Variants in SLC2A12 observed in about 807,000 individuals in gnomAD.
SLC2A12 encodes the protein solute carrier family 2 member 12.
SLC2A12 carries 23 observed loss-of-function variants against 41.8 expected under a neutral mutation model. That is an observed-to-expected ratio of 0.55 (90% CI 0.40 to 0.78). The LOEUF (loss-of-function observed/expected upper bound fraction) is 0.78, where lower values mean the gene tolerates loss of function less well. SLC2A12 is among the 30% of genes least tolerant of loss of function. The pLI, the probability that SLC2A12 is intolerant of heterozygous loss-of-function variation, is 0.00. For missense variants in SLC2A12, 654 were observed against 745.6 expected, an observed-to-expected ratio of 0.88 and a Z score of 1.43; for synonymous variants, 295 against 285.9, an observed-to-expected ratio of 1.03 and a Z score of -0.32.
intron 1 of SLC2A12, among the ~76,000 whole-genome samples, chr6:134,034,983 A>G (rs1777272711): frequency 6.6e-6 from 1 of 151,908 alleles, no homozygotes; most frequent in South Asian, 2.1e-4. Flanking sequence ...AGAAGTGGAA[A>G]CTACCTGGAG....
intron 4 of SLC2A12, among the ~76,000 whole-genome samples, chr6:134,000,057 A>G (rs1776736785): frequency 6.6e-6 from 1 of 152,176 alleles, no homozygotes; most frequent in Admixed American, 6.5e-5. Context: ...AAGAAATCCA[A>G]TCATTTTAAC....
At chr6:134,005,684 AAAAAAAAAAG>A in intron 3 of SLC2A12, among the ~76,000 whole-genome samples, 1 of 136,188 alleles carries the variant, frequency 7.3e-6, no homozygotes, top group African/African-American at 2.6e-5. Context: ...AAAAAAAAAA[AAAAAAAAAAG>A]AATCTCCCTT....
In SLC2A12 at chr6:134,022,490, C is replaced by T. The variant is rs139439685; in HGVS notation, c.1444+5891G>A. On this transcript the variant is annotated intron_variant, in intron 2 of 4. Transcript: ENST00000275230. ...AGGTTGCAGTGAGCCGAGATCACACCGTTGCACTCCAGCCTAGGTGACAAG... is the reference window on the plus strand; with the variant it reads ...AGGTTGCAGTGAGCCGAGATCACACTGTTGCACTCCAGCCTAGGTGACAAG... 3.0e-3 allele frequency among the ~76,000 whole-genome samples: 452 copies of T among 151,838 alleles called. 2 individuals carry two copies. Among genetic ancestry groups the T allele is most frequent in the Middle Eastern group, 0.017 (5 of 294 alleles).
At chr6:134,013,837 T>C (rs909178746) in intron 2 of SLC2A12, among the ~76,000 whole-genome samples, 1 of 152,228 alleles carries the variant, frequency 6.6e-6, no homozygotes, top group African/African-American at 2.4e-5. Flanking sequence ...ATATTTCCAG[T>C]TGTGTTTTTA....
intron 1 of SLC2A12, among the ~76,000 whole-genome samples, chr6:134,034,033 T>A (rs2114489574): frequency 6.6e-6 from 1 of 152,320 alleles, no homozygotes; most frequent in Middle Eastern, 3.4e-3. Context: ...CATCCCAGTT[T>A]GTCAACGTTC....
intron 1 of SLC2A12, among the ~76,000 whole-genome samples, chr6:134,050,720 C>T (rs1773670183): frequency 6.6e-6 from 1 of 152,144 alleles, no homozygotes; most frequent in Non-Finnish European, 1.5e-5. Context: ...CCTCAGCTTG[C>T]TCTGCAGTCT....
intron 3 of SLC2A12, among the ~76,000 whole-genome samples, chr6:134,004,639 A>T (rs988349960): frequency 4.6e-4 from 70 of 152,202 alleles, no homozygotes; most frequent in African/African-American, 1.6e-3. Flanking sequence ...TCTATATATG[A>T]AATAAAGAGA....
chr6:134,043,538 C>T (rs1003280154), intron 1 of SLC2A12, among the ~76,000 whole-genome samples: 2 of 151,940 alleles, frequency 1.3e-5, no homozygotes, highest in Admixed American at 6.6e-5. Flanking sequence ...CTCACACGTG[C>T]AATCCCAGCA....
At chr6:133,998,179 C>T (rs905118055) in intron 4 of SLC2A12, among the ~76,000 whole-genome samples, 3 of 152,116 alleles carry the variant, frequency 2.0e-5, no homozygotes, top group Admixed American at 6.6e-5. Flanking sequence ...CTTTCCCCAC[C>T]CCAAATTCTG....
chr6:133,999,541 C>G (rs1311825546), intron 4 of SLC2A12, among the ~76,000 whole-genome samples: 1 of 152,128 alleles, frequency 6.6e-6, no homozygotes. Context: ...TTCTTTCTGC[C>G]TTCACTACCT....
At chr6:134,013,086 C>T (rs1398134742) in intron 2 of SLC2A12, among the ~76,000 whole-genome samples, 1 of 152,064 alleles carries the variant, frequency 6.6e-6, no homozygotes. Flanking sequence ...CATTTTTAAG[C>T]TGGAAAGTCT....
chr6:133,987,717 T>C lies in SLC2A12; in HGVS notation c.*3438A>G, dbSNP rs556851385. The C allele has an allele frequency of 2.0e-5, 3 of 151,634 alleles. No individual in the cohort carries two copies. The highest frequency in any genetic ancestry group is 2.1e-4 in the South Asian group (1 of 4,780). 9.4% of individuals were successfully genotyped at this position (151,634 alleles called of 1,614,324 possible). On this transcript the variant is annotated 3_prime_UTR_variant, in exon 5 of 5. Coordinates refer to ENST00000275230, the MANE Select transcript of SLC2A12 (RefSeq NM_145176.3). ...TAATGCTCTGTTACCAAATAACAAA[T>C]AGGAATTTTTTTTCTTGCAGATTAG...
intron 2 of SLC2A12, among the ~76,000 whole-genome samples, chr6:134,013,758 T>C (rs976006407): frequency 6.6e-6 from 1 of 152,264 alleles, no homozygotes; most frequent in Admixed American, 6.5e-5. Context: ...AAGCAAATTA[T>C]TGGAAATAGC....
At chr6:134,036,492 T>C (rs547308657) in intron 1 of SLC2A12, among the ~76,000 whole-genome samples, 8 of 152,228 alleles carry the variant, frequency 5.3e-5, no homozygotes, top group Non-Finnish European at 8.8e-5. Flanking sequence ...CCATCTCATT[T>C]TAAGGCACTC....
chr6:134,035,170 A>AAAAC (rs1777279136), intron 1 of SLC2A12, among the ~76,000 whole-genome samples: 1 of 137,726 alleles, frequency 7.3e-6, no homozygotes. Context: ...AAAAAAAAAA[A>AAAAC]AAAACTGTGT....
At position 134,029,663 on chromosome 6, in the gene SLC2A12, C is replaced by A. The variant is rs762896445; in HGVS notation, c.162G>T (p.Val54=). The A allele has an allele frequency of 6.2e-7, 1 of 1,611,810 alleles. No homozygotes were observed. The highest frequency in any genetic ancestry group is 1.1e-5 in the South Asian group (1 of 91,048). Residue 54 remains valine (V), a synonymous_variant, in exon 2 of 5, where the codon GTG becomes GTT. Coordinates refer to ENST00000275230, the MANE Select transcript of SLC2A12 (RefSeq NM_145176.3). ...SVTAAVSGLL[V]GYELGIISGA... is the part of the protein sequence containing the mutation. ...CAGAGATGATCCCAAGTTCATAACCCACCAGGAGGCCACTGACAGCAGCAG... is the reference window on the plus strand; with the variant it reads ...CAGAGATGATCCCAAGTTCATAACCAACCAGGAGGCCACTGACAGCAGCAG...
Position 133,991,267 on chromosome 6 carries a change from T to C in SLC2A12, c.1742A>G (p.Gln581Arg). 6.2e-7 allele frequency: 1 copy of C among 1,614,138 alleles called. No individual in the cohort carries two copies. Among genetic ancestry groups the C allele is most frequent in the East Asian group, 2.2e-5 (1 of 44,890 alleles). Residue 581 changes from glutamine (Q) to arginine (R), a missense_variant, in exon 5 of 5, where the codon CAA (glutamine) becomes CGA (arginine). This residue lies in a region of SLC2A12 where 134 missense variants were observed against 180.5 expected (regional missense o/e 0.74). Coordinates refer to ENST00000275230, the MANE Select transcript of SLC2A12 (RefSeq NM_145176.3). ...KNNICFMSHH[Q>R]EELVPKQPQK... ...AGGCTGTTTTGGCACTAATTCTTCTTGGTGATGACTCATAAAACAAATGTT... is the reference window on the plus strand; with the variant it reads ...AGGCTGTTTTGGCACTAATTCTTCTCGGTGATGACTCATAAAACAAATGTT...
chr6:134,015,269 C>T (rs1234683659), intron 2 of SLC2A12, among the ~76,000 whole-genome samples: 1 of 152,066 alleles, frequency 6.6e-6, no homozygotes, highest in African/African-American at 2.4e-5. Context: ...CTGTTGGAAG[C>T]ATGTGGGGGA....
intron 3 of SLC2A12, among the ~76,000 whole-genome samples, chr6:134,003,878 A>T (rs1360983051): frequency 1.3e-5 from 2 of 152,230 alleles, no homozygotes; most frequent in African/African-American, 2.4e-5. Flanking sequence ...GAAATTGCAT[A>T]AAAAATGTTG....
Sources: allele counts gnomAD v4.1 joint callset (sites outside exome capture counted in the v4.1 genomes callset), GRCh38; gene constraint gnomAD v4.1.1; regional missense constraint gnomAD v4.1.1; transcripts MANE v1.5; gene names NCBI Gene and HGNC (gene_info 2026-07-23, HGNC 2026-07-21).